Variants in EED observed in about 807,000 individuals in gnomAD.
EED encodes the protein polycomb protein EED.
A neutral mutation model predicts 61.0 loss-of-function variants in EED; 9 were observed. The observed-to-expected ratio is 0.15, with a 90% CI of 0.09 to 0.26. The LOEUF is 0.26. Among genes scored for constraint, EED ranks in the 10% least tolerant of loss-of-function variants. The pLI, the probability that EED is intolerant of heterozygous loss-of-function variation, is 1.00. For missense variants in EED, 315 were observed against 542.3 expected (o/e 0.58, Z 4.16); for synonymous variants, 187 against 174.4 (o/e 1.07, Z -0.57).
intron 1 of EED, among the ~76,000 whole-genome samples, chr11:86,248,483 A>G (rs1945444522): frequency 6.6e-6 from 1 of 152,222 alleles, no homozygotes; most frequent in African/African-American, 2.4e-5. Flanking sequence ...AATTTTACAG[A>G]AAAAATGGCA....
chr11:86,271,363 A>C (rs927995527), intron 9 of EED, among the ~76,000 whole-genome samples: 1 of 152,178 alleles, frequency 6.6e-6, no homozygotes, highest in Admixed American at 6.5e-5. Flanking sequence ...TGATTTTTGC[A>C]TATTGATCTT....
the EED span, among the ~76,000 whole-genome samples, chr11:86,285,627 C>T: frequency 3.3e-5 from 5 of 151,934 alleles, no homozygotes; most frequent in Non-Finnish European, 7.4e-5. Flanking sequence ...GACAGAGTTT[C>T]GCTCTTGTTG....
rs1326013174 is a variant in EED, at chr11:86,278,494, C to A, written c.1295C>A (p.Ala432Asp). The change falls in exon 12 of 12, where the codon GCC becomes GAC. Residue 432 changes from alanine (A) to aspartate (D), a missense_variant. Physicochemically the swap from Ala to Asp is moderately radical, Grantham distance 126. This residue lies in a region of EED where 205 missense variants were observed against 455.4 expected (regional missense o/e 0.45). Coordinates refer to ENST00000263360, the MANE Select transcript of EED (RefSeq NM_003797.5). ...ATTCTTATAGCTGTTTGTGATGATG[C>A]CAGTATTTGGCGCTGGGATCGACTT... ...SSILIAVCDD[A>D]SIWRWDRLR is the part of the protein sequence containing the mutation. The A allele has an allele frequency of 6.2e-7, 1 of 1,613,338 alleles. No individual in the cohort carries two copies. The highest frequency in any genetic ancestry group is 1.3e-5 in the African/African-American group (1 of 74,898).
At chr11:86,261,929 T>C (rs777152187) in intron 6 of EED, among the ~76,000 whole-genome samples, 11 of 152,232 alleles carry the variant, frequency 7.2e-5, no homozygotes, top group Non-Finnish European at 1.6e-4. Flanking sequence ...TGAAATGCCT[T>C]TGTGGTCATT....
chr11:86,262,375 C>A (rs1945855361), intron 6 of EED, among the ~76,000 whole-genome samples: 1 of 152,224 alleles, frequency 6.6e-6, no homozygotes, highest in Non-Finnish European at 1.5e-5. Flanking sequence ...TTGCTCTTAA[C>A]TTCTGCCTTC....
intron 9 of EED, among the ~76,000 whole-genome samples, chr11:86,269,059 G>T (rs143215854): frequency 6.6e-6 from 1 of 152,120 alleles, no homozygotes; most frequent in African/African-American, 2.4e-5. Context: ...AATTGAAAAC[G>T]CATTTAATAC....
At chr11:86,258,974 C>G (rs1350079723) in intron 6 of EED, among the ~76,000 whole-genome samples, 1 of 151,964 alleles carries the variant, frequency 6.6e-6, no homozygotes, top group Admixed American at 6.6e-5. Flanking sequence ...TCAGGTGATT[C>G]TCCTGCCTGA....
At chr11:86,260,135 G>GTA (rs1223714480) in intron 6 of EED, among the ~76,000 whole-genome samples, 1 of 152,092 alleles carries the variant, frequency 6.6e-6, no homozygotes, top group Admixed American at 6.5e-5. Flanking sequence ...CTACCTCTGG[G>GTA]GTGTTTATGT....
intron 4 of EED, among the ~76,000 whole-genome samples, 175 bp from the exon 5 acceptor site, chr11:86,256,212 G>A (rs1265122860): frequency 6.6e-6 from 1 of 152,170 alleles, no homozygotes; most frequent in Non-Finnish European, 1.5e-5. Context: ...AATTTTGTTT[G>A]ATCATTTGTT....
intron 9 of EED, 60 bp downstream of exon 9, chr11:86,268,621 G>GTGTGTGTGTA (rs1341417115): frequency 2.7e-6 from 3 of 1,114,472 alleles, no homozygotes; most frequent in African/African-American, 3.2e-5. Flanking sequence ...GTGTGTGTGT[G>GTGTGTGTGTA]TGTGTATGTG....
intron 1 of EED, among the ~76,000 whole-genome samples, chr11:86,247,258 G>A (rs1365163636): frequency 6.6e-6 from 1 of 152,174 alleles, no homozygotes; most frequent in African/African-American, 2.4e-5. Flanking sequence ...GTGTGTGCGT[G>A]CGCATGCCTT....
downstream of EED, among the ~76,000 whole-genome samples, chr11:86,279,456 A>G (rs149295134): frequency 6.3e-3 from 961 of 152,310 alleles, 17 homozygotes; most frequent in African/African-American, 0.022. Flanking sequence ...TTTTGTCTCC[A>G]ACATAAGGCA....
downstream of EED, among the ~76,000 whole-genome samples, chr11:86,283,095 A>G (rs919730310): frequency 3.3e-5 from 5 of 152,170 alleles, no homozygotes; most frequent in South Asian, 4.1e-4. Flanking sequence ...TCTGTCCACA[A>G]GCCATAGTTT....
intron 9 of EED, among the ~76,000 whole-genome samples, chr11:86,272,224 AT>A (rs980449631): frequency 2.0e-5 from 3 of 147,860 alleles, no homozygotes; most frequent in African/African-American, 7.5e-5. Context: ...CACCCGGCTA[AT>A]TTTTTTATGT....
intron 5 of EED, 77 bp from the exon 6 acceptor site, chr11:86,257,438 A>T: frequency 8.9e-7 from 1 of 1,123,908 alleles, no homozygotes; most frequent in Non-Finnish European, 1.2e-6. Context: ...AACTATTTTT[A>T]CATTCTCTAA....
At chr11:86,258,555 G>GTTTTT (rs563888569) in intron 6 of EED, among the ~76,000 whole-genome samples, 2 of 130,888 alleles carry the variant, frequency 1.5e-5, no homozygotes, top group Non-Finnish European at 3.3e-5. Context: ...TTGTTTTTTG[G>GTTTTT]TTTTTTTTTT....
At chr11:86,280,380 C>T (rs1258897364), downstream of EED, among the ~76,000 whole-genome samples, 1 of 152,184 alleles carries the variant, frequency 6.6e-6, no homozygotes, top group Non-Finnish European at 1.5e-5. Flanking sequence ...TTATCAGCCA[C>T]ATGTTTATAC....
intron 11 of EED, 198 bp downstream of exon 11, chr11:86,278,189 G>A (rs1285216554): frequency 7.6e-7 from 1 of 1,318,172 alleles, no homozygotes; most frequent in African/African-American, 1.5e-5. Context: ...GTCATTTCTT[G>A]TTTTTATACA....
At chr11:86,280,909 C>T (rs1347894157), downstream of EED, among the ~76,000 whole-genome samples, 1 of 152,140 alleles carries the variant, frequency 6.6e-6, no homozygotes, top group Non-Finnish European at 1.5e-5. Flanking sequence ...GCTTTTTCTG[C>T]CTCTATTGTG....
Sources: gnomAD v4.1 joint callset for allele counts (sites outside exome capture counted in the v4.1 genomes callset) on GRCh38, gnomAD v4.1.1 for gene constraint, gnomAD v4.1.1 regional missense constraint, MANE v1.5 for transcripts, NCBI Gene and HGNC (gene_info 2026-07-23, HGNC 2026-07-21) for gene names.